The following NEGR1 variants were observed in gnomAD, a reference collection of about 807,000 sequenced individuals.
The protein encoded by NEGR1 is IgLON family member 4.
NEGR1 carries 10 observed loss-of-function variants against 40.9 expected under a neutral mutation model. The observed-to-expected ratio is 0.24, with a 90% CI of 0.15 to 0.42. NEGR1 has a LOEUF of 0.42. NEGR1 is among the 10% of genes least tolerant of loss of function. NEGR1 has a pLI of 1.00. For missense variants in NEGR1, 352 were observed against 438.9 expected, an observed-to-expected ratio of 0.80 and a Z score of 1.77; for synonymous variants, 185 against 166.8, an observed-to-expected ratio of 1.11 and a Z score of -0.84.
At chr1:72,184,327 T>C (rs1652530236) in intron 1 of NEGR1, among the ~76,000 whole-genome samples, 2 of 151,982 alleles carry the variant, frequency 1.3e-5, no homozygotes, top group Admixed American at 1.3e-4. Flanking sequence ...CAGAAGATAT[T>C]TGCAAGTAGG....
At chr1:71,874,138 C>A (rs1465815809) in intron 2 of NEGR1, among the ~76,000 whole-genome samples, 2 of 152,052 alleles carry the variant, frequency 1.3e-5, no homozygotes, top group Non-Finnish European at 2.9e-5. Flanking sequence ...TCACTTGGTT[C>A]TTCATGTGAA....
intron 1 of NEGR1, among the ~76,000 whole-genome samples, chr1:71,950,166 A>G (rs771365271): frequency 1.3e-5 from 2 of 151,966 alleles, no homozygotes; most frequent in Non-Finnish European, 2.9e-5. Context: ...GTGAAATATC[A>G]TTCCTGTTTA....
At chr1:71,675,015 C>T (rs1652569302) in intron 4 of NEGR1, among the ~76,000 whole-genome samples, 1 of 149,074 alleles carries the variant, frequency 6.7e-6, no homozygotes, top group African/African-American at 2.5e-5. Context: ...GAATATATAC[C>T]AGATGTTGTA....
intron 1 of NEGR1, among the ~76,000 whole-genome samples, chr1:72,229,727 G>A (rs986641173): frequency 6.6e-6 from 1 of 151,764 alleles, no homozygotes; most frequent in South Asian, 2.1e-4. Flanking sequence ...CCAAAAGTCT[G>A]TAAAATTAAA....
chr1:71,698,327 G>T (rs887939892), intron 3 of NEGR1, among the ~76,000 whole-genome samples, 188 bp from the exon 4 acceptor site: 3 of 151,766 alleles, frequency 2.0e-5, no homozygotes, highest in African/African-American at 7.2e-5. Context: ...GCAGAACGAG[G>T]TATATTATAA....
At chr1:71,417,191 ATCT>A (rs1449547049) in intron 6 of NEGR1, among the ~76,000 whole-genome samples, 1 of 152,158 alleles carries the variant, frequency 6.6e-6, no homozygotes, top group East Asian at 1.9e-4. Flanking sequence ...TCTCATGTGC[ATCT>A]TCTTCTACAG....
Position 72,233,287 on chromosome 1 carries a change from A to G in NEGR1, c.176+49032T>C, listed in dbSNP as rs557235726. 5.9e-5 allele frequency among the ~76,000 whole-genome samples: 9 copies of G among 152,248 alleles called. No homozygotes were observed. The South Asian group carries it at 1.7e-3, about 28-fold the overall frequency. On this transcript the variant is annotated intron_variant, in intron 1 of 6. Transcript: ENST00000357731. Reference sequence around the variant, plus strand: ...CCAGGGAAACTTTATTAATTTTTTAAATTTTATAATTACAACTTTTATTTT... The same window carrying G: ...CCAGGGAAACTTTATTAATTTTTTAGATTTTATAATTACAACTTTTATTTT...
chr1:72,088,035 T>C (rs998482444), intron 1 of NEGR1, among the ~76,000 whole-genome samples: 1 of 152,236 alleles, frequency 6.6e-6, no homozygotes, highest in African/African-American at 2.4e-5. Flanking sequence ...TGGTGAGGTA[T>C]AAATCTAAAA....
At position 72,013,957 on chromosome 1, in the gene NEGR1, G is replaced by A. The variant is rs1446915156; in HGVS notation, c.177-78646C>T. Among the ~76,000 whole-genome samples, 13 of 82,802 alleles carry A rather than the reference G, an allele frequency of 1.6e-4. 1 individual carries two copies. The Admixed American group carries it at 1.6e-3, about 10-fold the overall frequency. 54.3% of individuals were successfully genotyped at this position (82,802 alleles called of 152,430 possible). On this transcript the variant is annotated intron_variant, in intron 1 of 6. Coordinates refer to ENST00000357731, the MANE Select transcript of NEGR1 (RefSeq NM_173808.3). The stretch of plus-strand genomic sequence containing the variant: ...ATACAAGTCCCAAGAGATGCTCTGT[G>A]AAAAATAAAAAAAAAAAAAAAAAAA...
intron 6 of NEGR1, among the ~76,000 whole-genome samples, chr1:71,540,854 G>A (rs547869209): frequency 1.3e-5 from 2 of 151,690 alleles, no homozygotes; most frequent in Non-Finnish European, 3.0e-5. Context: ...TTGGATTCTA[G>A]GGAGGCCTCA....
chr1:71,952,226 A>T (rs1646076948), intron 1 of NEGR1, among the ~76,000 whole-genome samples: 1 of 152,014 alleles, frequency 6.6e-6, no homozygotes, highest in African/African-American at 2.4e-5. Context: ...TCTTGTCCCA[A>T]ACAGTTAGCC....
At chr1:72,090,053 G>A (rs943298674) in intron 1 of NEGR1, among the ~76,000 whole-genome samples, 3 of 152,114 alleles carry the variant, frequency 2.0e-5, no homozygotes, top group Admixed American at 6.6e-5. Context: ...AAAAAAATTA[G>A]ATAAAAATAT....
At chr1:72,034,313 G>A (rs1001547864) in intron 1 of NEGR1, among the ~76,000 whole-genome samples, 28 of 152,136 alleles carry the variant, frequency 1.8e-4, no homozygotes, top group Admixed American at 1.8e-3. Context: ...GGGTTCCATT[G>A]TGCATGCAGG....
intron 1 of NEGR1, among the ~76,000 whole-genome samples, chr1:72,077,867 A>G (rs1387582457): frequency 6.6e-6 from 1 of 152,130 alleles, no homozygotes; most frequent in Non-Finnish European, 1.5e-5. Context: ...AAAGAATTAA[A>G]AGTGAAATTA....
chr1:72,207,436 A>G (rs192529885), intron 1 of NEGR1, among the ~76,000 whole-genome samples: 26 of 151,972 alleles, frequency 1.7e-4, no homozygotes, highest in Non-Finnish European at 3.1e-4. Flanking sequence ...TTTTATATAT[A>G]GAAAGAATGG....
intron 2 of NEGR1, among the ~76,000 whole-genome samples, chr1:71,834,479 T>TC (rs1354168512): frequency 4.0e-5 from 6 of 151,486 alleles, no homozygotes; most frequent in African/African-American, 1.5e-4. Context: ...CATTTTTTTT[T>TC]CCTCCCTCAA....
At chr1:71,803,409 C>T (rs888678796) in intron 2 of NEGR1, among the ~76,000 whole-genome samples, 2 of 152,114 alleles carry the variant, frequency 1.3e-5, no homozygotes, top group Admixed American at 6.6e-5. Context: ...GTAGCTCAAG[C>T]AGAATAATAT....
At chr1:71,655,848 T>C (rs1254620323) in intron 4 of NEGR1, among the ~76,000 whole-genome samples, 4 of 152,174 alleles carry the variant, frequency 2.6e-5, no homozygotes, top group Admixed American at 2.6e-4. Context: ...AACGGTCTAT[T>C]AGAGGGCATC....
chr1:71,852,994 T>G (rs1356926141), intron 2 of NEGR1, among the ~76,000 whole-genome samples: 1 of 152,056 alleles, frequency 6.6e-6, no homozygotes, highest in African/African-American at 2.4e-5. Flanking sequence ...ATAACGAATT[T>G]GGACATTTAA....
Sources: gnomAD v4.1 joint callset for allele counts (sites outside exome capture counted in the v4.1 genomes callset) on GRCh38, gnomAD v4.1.1 for gene constraint, MANE v1.5 for transcripts, NCBI Gene and HGNC (gene_info 2026-07-23, HGNC 2026-07-21) for gene names.